Variants in EML4 observed in about 807,000 individuals in gnomAD.
EML4 encodes the protein EMAP like 4, also known as echinoderm microtubule-associated protein-like 4.
In EML4, 72 loss-of-function variants were observed where a neutral mutation model predicts 129.0. The ratio of observed to expected loss-of-function variants is 0.56; its 90% confidence interval spans 0.46 to 0.68. The LOEUF is 0.68. Among genes scored for constraint, EML4 ranks in the 30% least tolerant of loss-of-function variants. The pLI is 0.00. For synonymous variants in EML4, 532 were observed against 405.0 expected, an observed-to-expected ratio of 1.31 and a Z score of -3.77; for missense variants, 1,363 against 1,190.6, an observed-to-expected ratio of 1.14 and a Z score of -2.13.
chr2:42,293,149 C>T (rs137888306), intron 11 of EML4, among the ~76,000 whole-genome samples: 18 of 152,118 alleles, frequency 1.2e-4, no homozygotes, highest in Non-Finnish European at 2.4e-4. Context: ...TCACGCGTCA[C>T]CCAGGCTGGA....
chr2:42,258,864 A>G (rs1376258794), intron 3 of EML4, among the ~76,000 whole-genome samples: 1 of 152,248 alleles, frequency 6.6e-6, no homozygotes, highest in African/African-American at 2.4e-5. Flanking sequence ...GATAAATTGT[A>G]TATACTATGT....
chr2:42,199,342 G>T (rs1672083592), intron 1 of EML4, among the ~76,000 whole-genome samples: 1 of 152,172 alleles, frequency 6.6e-6, no homozygotes, highest in African/African-American at 2.4e-5. Context: ...CCAGGCTAAT[G>T]GTGGCTGAAA....
intron 11 of EML4, among the ~76,000 whole-genome samples, chr2:42,290,081 C>T (rs767511639): frequency 1.3e-5 from 2 of 151,516 alleles, no homozygotes; most frequent in Non-Finnish European, 2.9e-5. Flanking sequence ...AGCAAGACTT[C>T]GTCTCAAAAA....
intron 1 of EML4, among the ~76,000 whole-genome samples, chr2:42,206,902 C>T (rs1264216101): frequency 6.6e-6 from 1 of 152,090 alleles, no homozygotes; most frequent in Admixed American, 6.6e-5. Context: ...TGGGTGTTAC[C>T]TCTCTTTAGC....
intron 21 of EML4, among the ~76,000 whole-genome samples, chr2:42,328,081 T>A (rs955424292): frequency 6.6e-6 from 1 of 152,230 alleles, no homozygotes; most frequent in Non-Finnish European, 1.5e-5. Context: ...AGCTGGTAGC[T>A]TCTGTGGTTA....
chr2:42,312,405 C>A (rs1214212500), intron 17 of EML4, among the ~76,000 whole-genome samples: 2 of 152,134 alleles, frequency 1.3e-5, no homozygotes, highest in Non-Finnish European at 2.9e-5. Context: ...AATATTAATA[C>A]AGCCCTTAAG....
At chr2:42,271,415 T>A (rs1340056847) in intron 6 of EML4, among the ~76,000 whole-genome samples, 3 of 152,248 alleles carry the variant, frequency 2.0e-5, no homozygotes, top group Admixed American at 6.5e-5. Context: ...GTTGGAGATT[T>A]TTTTTTAAGC....
At chr2:42,324,807 C>T (rs192177397) in intron 19 of EML4, among the ~76,000 whole-genome samples, 2 of 152,264 alleles carry the variant, frequency 1.3e-5, no homozygotes, top group Admixed American at 6.5e-5. Flanking sequence ...ATTAGTGTTT[C>T]GTAGTTTTTT....
intron 1 of EML4, among the ~76,000 whole-genome samples, chr2:42,227,759 C>G (rs10192978): frequency 0.5 from 76,562 of 152,062 alleles, 19,643 homozygotes; most frequent in East Asian, 0.74. Flanking sequence ...ACATCCATTT[C>G]CACTTAATGA....
chr2:42,183,130 G>C (rs532835379), intron 1 of EML4, among the ~76,000 whole-genome samples: 3 of 152,266 alleles, frequency 2.0e-5, no homozygotes, highest in South Asian at 4.1e-4. Flanking sequence ...GCTCCAACCT[G>C]GGTGACGGAG....
chr2:42,299,835 T>G (rs572001895), intron 13 of EML4, among the ~76,000 whole-genome samples: 3 of 152,276 alleles, frequency 2.0e-5, no homozygotes. Context: ...ATTACAGGCA[T>G]GTGCCATCAT....
At chr2:42,305,483 T>G (rs565519397) in intron 17 of EML4, among the ~76,000 whole-genome samples, 27 of 152,318 alleles carry the variant, frequency 1.8e-4, no homozygotes, top group African/African-American at 6.0e-4. Flanking sequence ...TGTAACACCA[T>G]TGAGCATTTA....
intron 19 of EML4, 59 bp from the exon 20 acceptor site, chr2:42,325,408 G>C (rs1315791700): frequency 3.8e-6 from 3 of 785,440 alleles, no homozygotes; most frequent in Non-Finnish European, 6.7e-6. Flanking sequence ...GCTAGCTGTT[G>C]AACTGTTTAT....
intron 21 of EML4, among the ~76,000 whole-genome samples, chr2:42,328,225 C>G (rs1005916208): frequency 1.3e-5 from 2 of 152,190 alleles, no homozygotes; most frequent in Non-Finnish European, 2.9e-5. Context: ...GCCAACATCT[C>G]AACCCTTAAA....
intron 2 of EML4, among the ~76,000 whole-genome samples, chr2:42,247,809 A>T (rs1675509274): frequency 6.6e-6 from 1 of 152,046 alleles, no homozygotes; most frequent in Non-Finnish European, 1.5e-5. Context: ...TAGATCTGTT[A>T]ATGTATATGG....
chr2:42,306,515 TAGAG>T (rs1281297974), intron 17 of EML4, among the ~76,000 whole-genome samples: 1 of 131,724 alleles, frequency 7.6e-6, no homozygotes, highest in African/African-American at 2.9e-5. Flanking sequence ...TTTTTTGAGA[TAGAG>T]TCTCGCTCTG....
intron 1 of EML4, among the ~76,000 whole-genome samples, chr2:42,174,881 G>T (rs1307711562): frequency 6.9e-6 from 1 of 145,132 alleles, no homozygotes; most frequent in Non-Finnish European, 1.5e-5. Context: ...GCAATGGCGC[G>T]ATCTCGGCTC....
rs897021104 is a variant in EML4 at position 42,297,893 on chromosome 2, A to T, written c.1489+2377A>T. 2.0e-5 allele frequency among the ~76,000 whole-genome samples: 3 copies of T among 152,184 alleles called. No individual in the cohort carries two copies. In the East Asian group the frequency reaches 5.8e-4, roughly 29 times the overall value. Reference sequence around the variant, plus strand: ...TTATGTCTTAAAAGTGCTTTTATATATTTTTTTCTTGTTTCCAAACCATTT... The same window carrying T: ...TTATGTCTTAAAAGTGCTTTTATATTTTTTTTTCTTGTTTCCAAACCATTT... On this transcript the variant is annotated intron_variant, in intron 13 of 22. Coordinates refer to ENST00000318522, the MANE Select transcript of EML4 (RefSeq NM_019063.5).
chr2:42,169,926 G>C, intron 1 of EML4: 1 of 362,204 alleles, frequency 2.8e-6, no homozygotes, highest in Middle Eastern at 7.2e-4. Context: ...CCCCCCGATA[G>C]CTGGCACACC....
Sources: allele counts gnomAD v4.1 joint callset (sites outside exome capture counted in the v4.1 genomes callset), GRCh38; gene constraint gnomAD v4.1.1; transcripts MANE v1.5; gene names NCBI Gene and HGNC (gene_info 2026-07-23, HGNC 2026-07-21).